ABCB10: variants seen among roughly 807,000 people sequenced by gnomAD.
ABCB10 encodes the protein ATP binding cassette subfamily B member 10.
In ABCB10, 54 loss-of-function variants were observed where a neutral mutation model predicts 65.4. The ratio of observed to expected loss-of-function variants is 0.83; its 90% CI spans 0.66 to 1.04. The LOEUF (loss-of-function observed/expected upper bound fraction) is 1.04, where lower values mean the gene tolerates loss of function less well. Among genes scored for constraint, ABCB10 ranks in the 50% least tolerant of loss-of-function variants. ABCB10 has a pLI of 0.00. For synonymous variants in ABCB10, 418 were observed against 406.5 expected, an observed-to-expected ratio of 1.03 and a Z score of -0.34; for missense variants, 846 against 976.6, an observed-to-expected ratio of 0.87 and a Z score of 1.78.
intron 5 of ABCB10, among the ~76,000 whole-genome samples, chr1:229,540,304 A>G (rs1662814117): frequency 6.6e-6 from 1 of 152,164 alleles, no homozygotes; most frequent in Non-Finnish European, 1.5e-5. Flanking sequence ...TACCCAGCAG[A>G]CCTGGGGTGG....
At chr1:229,549,169 A>T in intron 2 of ABCB10, 65 bp downstream of exon 2, 1 of 1,577,752 alleles carries the variant, frequency 6.3e-7, no homozygotes, top group Non-Finnish European at 8.7e-7. Context: ...TTGAGCCCGA[A>T]CAAACCCACA....
intron 1 of ABCB10, among the ~76,000 whole-genome samples, chr1:229,550,514 T>C (rs1260233248): frequency 1.1e-5 from 1 of 90,696 alleles, no homozygotes; most frequent in Non-Finnish European, 2.0e-5. Context: ...GACACAGCAA[T>C]ATGCTGTCTC....
At chr1:229,519,969 A>C (rs1662265590) in intron 11 of ABCB10, among the ~76,000 whole-genome samples, 1 of 150,830 alleles carries the variant, frequency 6.6e-6, no homozygotes, top group Non-Finnish European at 1.5e-5. Context: ...CTACCAAAAA[A>C]ATTTTTTTTT....
chr1:229,543,105 G>A (rs1340651789), intron 3 of ABCB10, among the ~76,000 whole-genome samples: 1 of 149,328 alleles, frequency 6.7e-6, no homozygotes, highest in African/African-American at 2.5e-5. Flanking sequence ...CACTCCGCCT[G>A]GGCAACAAGA....
chr1:229,531,905 A>T, intron 6 of ABCB10, 174 bp from the exon 7 acceptor site: 1 of 442,068 alleles, frequency 2.3e-6, no homozygotes, highest in Non-Finnish European at 4.0e-6. Context: ...TGCTTGTCTC[A>T]TACTCTAGTT....
intron 4 of ABCB10, 81 bp from the exon 5 acceptor site, chr1:229,540,833 C>T: frequency 6.9e-7 from 1 of 1,451,384 alleles, no homozygotes; most frequent in Non-Finnish European, 9.2e-7. Context: ...AAATGTGGTT[C>T]TCATTTTGTT....
chr1:229,534,690 G>A (rs550314124), intron 6 of ABCB10, among the ~76,000 whole-genome samples: 1 of 151,936 alleles, frequency 6.6e-6, no homozygotes, highest in African/African-American at 2.4e-5. Context: ...CCAACATGGT[G>A]AAACCCCGTC....
chr1:229,542,032 G>A (rs1662860959), intron 4 of ABCB10, among the ~76,000 whole-genome samples: 1 of 151,830 alleles, frequency 6.6e-6, no homozygotes, highest in African/African-American at 2.4e-5. Context: ...GTTTAGTGAA[G>A]TTAGATCTAC....
intron 2 of ABCB10, among the ~76,000 whole-genome samples, chr1:229,549,006 C>G (rs929191818): frequency 6.6e-6 from 1 of 152,144 alleles, no homozygotes; most frequent in Non-Finnish European, 1.5e-5. Context: ...CATGATTGCC[C>G]TTACAGCTCA....
At chr1:229,556,652 T>C (rs900611729) in intron 1 of ABCB10, among the ~76,000 whole-genome samples, 3 of 152,146 alleles carry the variant, frequency 2.0e-5, no homozygotes, top group Admixed American at 2.0e-4. Context: ...ACTGGGCACG[T>C]GTAGGCCACC....
chr1:229,542,241 G>T lies in ABCB10; in HGVS notation c.1052C>A (p.Thr351Asn). The change falls in exon 4 of 13, where the codon ACT (threonine) becomes AAT (asparagine). Residue 351 changes from threonine (T) to asparagine (N), a missense_variant. Physicochemically the swap from Thr to Asn is moderately conservative, Grantham distance 65 (BLOSUM62 0). Coordinates refer to ENST00000344517, the MANE Select transcript of ABCB10 (RefSeq NM_012089.3). ...KVTQDSLAQA[T>N]QLAEERIGNV... ...CGGACAGGAAGGGGCCTTTACCTGA[G>T]TGGCTTGTGCCAGGGAATCCTGAGT... The T allele has an allele frequency of 1.2e-6, 2 of 1,613,936 alleles. No individual in the cohort carries two copies. The highest frequency in any genetic ancestry group is 1.7e-6 in the Non-Finnish European group (2 of 1,179,950).
At chr1:229,523,696 A>G (rs139105420) in intron 10 of ABCB10, among the ~76,000 whole-genome samples, 2 of 152,316 alleles carry the variant, frequency 1.3e-5, no homozygotes, top group East Asian at 3.9e-4. Context: ...AGAAAGCAAG[A>G]GCAGACTGGA....
At position 229,539,490 on chromosome 1, in the gene ABCB10, T is replaced by TA; in HGVS notation, c.1304dup (p.Met436AsnfsTer43). The TA allele has an allele frequency of 6.2e-7, 1 of 1,613,908 alleles. No homozygotes were observed. The highest frequency in any genetic ancestry group is 8.5e-7 in the Non-Finnish European group (1 of 1,179,856). ...TTATTCCAACCCAGAAAGCATACAT[T>TA]AGGAAGGAAGAGAGTTCACCCACGG... On this transcript the variant is annotated frameshift_variant, in exon 6 of 13. Transcript: ENST00000344517. LOFTEE classifies it high-confidence loss of function.
In ABCB10 at chr1:229,535,850, C is replaced by G. The variant is rs569044422; in HGVS notation, c.1339+3606G>C. Reference sequence around the variant, plus strand: ...AAGCAATTCTCCTGTCTCAGTCTCCCGAGTAGCTGGGATTACGGGCATGAA... The same window carrying G: ...AAGCAATTCTCCTGTCTCAGTCTCCGGAGTAGCTGGGATTACGGGCATGAA... On this transcript the variant is annotated intron_variant, in intron 6 of 12. Coordinates refer to ENST00000344517, the MANE Select transcript of ABCB10 (RefSeq NM_012089.3). Among the ~76,000 whole-genome samples, 4 of 152,156 alleles carry G rather than the reference C, an allele frequency of 2.6e-5. No homozygotes were observed. In the South Asian group the frequency reaches 6.2e-4, roughly 24 times the overall value.
intron 11 of ABCB10, among the ~76,000 whole-genome samples, chr1:229,519,305 C>A (rs1161940526): frequency 1.3e-5 from 2 of 152,154 alleles, no homozygotes; most frequent in Non-Finnish European, 2.9e-5. Flanking sequence ...AAAAACCCCA[C>A]AAATTACTAA....
rs1012553653 is a variant in ABCB10 at position 229,558,116 on chromosome 1, G to C, written c.517+20C>G. On this transcript the variant is annotated intron_variant, in intron 1 of 12. Transcript: ENST00000344517. ...AGAAGGAGAGGCCCGGCGGAGGGAA[G>C]TGGCCGGGGAGGACCCTACCTGCCA... is the stretch of plus-strand genomic sequence containing the variant. 304 of 1,351,734 alleles carry C rather than the reference G, an allele frequency of 2.2e-4. No individual in the cohort carries two copies. The highest frequency in any genetic ancestry group is 2.7e-4 in the Non-Finnish European group (287 of 1,053,236). The allele number at this position is 1,351,734 out of a possible 1,614,324, so 83.7% of individuals were successfully genotyped here. A position where few individuals can be genotyped will look rare whatever the true frequency, so the allele number is the denominator to read the frequency against.
intron 3 of ABCB10, among the ~76,000 whole-genome samples, chr1:229,542,679 T>C (rs1427216835): frequency 1.4e-5 from 2 of 145,406 alleles, no homozygotes; most frequent in African/African-American, 2.6e-5. Context: ...AACAACAGAG[T>C]GGGAAGAGAC....
chr1:229,543,335 C>T (rs1220878752), intron 3 of ABCB10, among the ~76,000 whole-genome samples: 1 of 152,124 alleles, frequency 6.6e-6, no homozygotes, highest in Non-Finnish European at 1.5e-5. Context: ...AAGTAAGTAA[C>T]AGAGGGTTTT....
chr1:229,547,692 A>G lies in ABCB10; in HGVS notation c.728T>C (p.Ile243Thr), dbSNP rs1426149516. ...VYLMQTSGQRIVNRLRTSLFS... is the reference protein window; with the variant it reads ...VYLMQTSGQRTVNRLRTSLFS... ...TAATGAAGTTCTCAGCCTATTCACAATGCGCTGACCTGCAAAAGCAAACAC... is the reference window on the plus strand; with the variant it reads ...TAATGAAGTTCTCAGCCTATTCACAGTGCGCTGACCTGCAAAAGCAAACAC... The change falls in exon 3 of 13, where the codon ATT (isoleucine) becomes ACT (threonine). Residue 243 changes from isoleucine (I) to threonine (T), a missense_variant. This residue lies in a region of ABCB10 where 632 missense variants were observed against 803.2 expected (regional missense o/e 0.79). Coordinates refer to ENST00000344517, the MANE Select transcript of ABCB10 (RefSeq NM_012089.3). The G allele has an allele frequency of 6.2e-7, 1 of 1,614,172 alleles. No individual in the cohort carries two copies. The highest frequency in any genetic ancestry group is 8.5e-7 in the Non-Finnish European group (1 of 1,180,014).
Sources: gnomAD v4.1 joint callset for allele counts (sites outside exome capture counted in the v4.1 genomes callset) on GRCh38, gnomAD v4.1.1 for gene constraint, gnomAD v4.1.1 regional missense constraint, MANE v1.5 for transcripts, NCBI Gene and HGNC (gene_info 2026-07-23, HGNC 2026-07-21) for gene names.